ASCC1: variants seen among roughly 807,000 people sequenced by gnomAD.
ASCC1 encodes the protein activating signal cointegrator 1 complex subunit 1.
Under a neutral mutation model 46.6 loss-of-function variants are expected in ASCC1, and 35 were observed. The observed-to-expected ratio is 0.75, with a 90% CI of 0.57 to 0.99. The LOEUF (loss-of-function observed/expected upper bound fraction) is 0.99. ASCC1 is among the 50% of genes least tolerant of loss of function. The pLI, the probability that ASCC1 is intolerant of heterozygous loss-of-function variation, is 0.00. For synonymous variants in ASCC1, 143 were observed against 146.6 expected (o/e 0.98, Z 0.18); for missense variants, 376 against 428.7 (o/e 0.88, Z 1.09).
At chr10:72,138,689 C>T (rs1209593266) in intron 7 of ASCC1, among the ~76,000 whole-genome samples, 2 of 149,534 alleles carry the variant, frequency 1.3e-5, no homozygotes, top group African/African-American at 5.0e-5. Context: ...CTGCAACCTC[C>T]ATCTCCCGAG....
At chr10:72,189,125 G>T (rs1161680268) in intron 5 of ASCC1, among the ~76,000 whole-genome samples, 1 of 152,008 alleles carries the variant, frequency 6.6e-6, no homozygotes, top group Non-Finnish European at 1.5e-5. Flanking sequence ...GTTAGGCCAG[G>T]CGCAGTGGCT....
intron 4 of ASCC1, among the ~76,000 whole-genome samples, chr10:72,197,311 A>C (rs1413647063): frequency 6.6e-6 from 1 of 151,782 alleles, no homozygotes; most frequent in Admixed American, 6.6e-5. Context: ...CTCTACTAAA[A>C]ATACAAAAAA....
Position 72,099,255 on chromosome 10 carries a change from G to A in ASCC1, c.958-1805C>T, listed in dbSNP as rs74145571. The stretch of plus-strand genomic sequence containing the variant: ...GCCTACAGACAGCATGAATCTGCCA[G>A]GGATATTCTCCTACTCCAGGTTTAA... On this transcript the variant is annotated intron_variant, in intron 9 of 9. Coordinates refer to ENST00000672957, the MANE Select transcript of ASCC1 (RefSeq NM_001198800.3). Among the ~76,000 whole-genome samples, 365 of 152,294 alleles carry A rather than the reference G, an allele frequency of 2.4e-3. 4 individuals are homozygous for A. Among genetic ancestry groups the A allele is most frequent in the African/African-American group, 8.4e-3 (347 of 41,548 alleles).
intron 9 of ASCC1, among the ~76,000 whole-genome samples, chr10:72,125,921 C>CTGCAGA (rs150841742): frequency 0.025 from 3,838 of 152,244 alleles, 184 homozygotes; most frequent in African/African-American, 0.088. Context: ...GGCACATAGT[C>CTGCAGA]TGGCAGATGG....
intron 7 of ASCC1, among the ~76,000 whole-genome samples, chr10:72,140,998 G>C (rs1023700484): frequency 6.6e-6 from 1 of 151,524 alleles, no homozygotes; most frequent in Non-Finnish European, 1.5e-5. Context: ...CACTAACCTG[G>C]AGCTGACCAA....
At chr10:72,109,945 G>A (rs1157392044) in intron 9 of ASCC1, among the ~76,000 whole-genome samples, 2 of 152,218 alleles carry the variant, frequency 1.3e-5, no homozygotes, top group Admixed American at 6.5e-5. Context: ...AGAGATGAGA[G>A]GTGAAAGTTC....
At chr10:72,162,142 C>T (rs182241201) in intron 5 of ASCC1, among the ~76,000 whole-genome samples, 182 of 151,986 alleles carry the variant, frequency 1.2e-3, no homozygotes, top group East Asian at 5.8e-3. Context: ...AATTCAACAA[C>T]GAAAAGAAAT....
chr10:72,124,701 C>T (rs1250826258), intron 9 of ASCC1, among the ~76,000 whole-genome samples: 1 of 151,376 alleles, frequency 6.6e-6, no homozygotes, highest in Non-Finnish European at 1.5e-5. Flanking sequence ...TTTATCACTG[C>T]CTATGGCTAA....
chr10:72,171,860 C>G (rs1170494135), intron 5 of ASCC1, among the ~76,000 whole-genome samples: 4 of 152,152 alleles, frequency 2.6e-5, no homozygotes, highest in Non-Finnish European at 5.9e-5. Flanking sequence ...GTCACATGCC[C>G]CCTTCCCAAA....
At chr10:72,196,384 T>C (rs1855429486) in intron 5 of ASCC1, among the ~76,000 whole-genome samples, 1 of 151,324 alleles carries the variant, frequency 6.6e-6, no homozygotes, top group Non-Finnish European at 1.5e-5. Context: ...GTTCAAGCAA[T>C]TCTCCTGCCT....
intron 7 of ASCC1, among the ~76,000 whole-genome samples, chr10:72,152,435 A>T (rs1250698483): frequency 6.6e-6 from 1 of 152,152 alleles, no homozygotes; most frequent in Non-Finnish European, 1.5e-5. Context: ...CATACTCTAA[A>T]ATGCCATCCT....
chr10:72,112,189 T>C (rs1185063841), intron 9 of ASCC1, among the ~76,000 whole-genome samples: 1 of 152,256 alleles, frequency 6.6e-6, no homozygotes, highest in Non-Finnish European at 1.5e-5. Flanking sequence ...TTGTTTATAC[T>C]GTAGCTAAAA....
At chr10:72,097,471 C>T in intron 9 of ASCC1, 21 bp from the exon 10 acceptor site, 1 of 1,423,572 alleles carries the variant, frequency 7.0e-7, no homozygotes, top group South Asian at 1.2e-5. Flanking sequence ...AGAATAAAAA[C>T]CCAGAATGAA....
intron 9 of ASCC1, chr10:72,102,399 T>C (rs1394014925): frequency 9.7e-6 from 15 of 1,549,832 alleles, no homozygotes; most frequent in African/African-American, 4.1e-5. Context: ...TCTGAGAATA[T>C]GCATCAGAGA....
chr10:72,114,375 C>T (rs1053249986), intron 9 of ASCC1, among the ~76,000 whole-genome samples: 1 of 152,158 alleles, frequency 6.6e-6, no homozygotes, highest in Admixed American at 6.5e-5. Context: ...CCTATAATCC[C>T]AGCATTTTGG....
At chr10:72,193,590 G>C (rs1016607983) in intron 5 of ASCC1, among the ~76,000 whole-genome samples, 1 of 151,834 alleles carries the variant, frequency 6.6e-6, no homozygotes, top group Non-Finnish European at 1.5e-5. Flanking sequence ...TTTTGGGGTG[G>C]AACTATTCTG....
At chr10:72,125,744 A>G (rs566791137) in intron 9 of ASCC1, among the ~76,000 whole-genome samples, 7 of 152,230 alleles carry the variant, frequency 4.6e-5, no homozygotes, top group Non-Finnish European at 8.8e-5. Context: ...AATATTAAAT[A>G]CTATACTAAA....
intron 9 of ASCC1, among the ~76,000 whole-genome samples, chr10:72,105,212 G>T (rs572855696): frequency 6.6e-6 from 1 of 152,208 alleles, no homozygotes; most frequent in East Asian, 1.9e-4. Context: ...CCCACATGAC[G>T]AGGCAAGGGT....
rs541347474 is a variant in ASCC1 at position 72,138,861 on chromosome 10, C to T, written c.747-5680G>A. Reference sequence around the variant, plus strand: ...GATTACAGGCGTGAGCCACCGCGCTCGGCTTGTTCTGTTTTCAATTCACTG... The same window carrying T: ...GATTACAGGCGTGAGCCACCGCGCTTGGCTTGTTCTGTTTTCAATTCACTG... On this transcript the variant is annotated intron_variant, in intron 7 of 9. Coordinates refer to ENST00000672957, the MANE Select transcript of ASCC1 (RefSeq NM_001198800.3). Among the ~76,000 whole-genome samples the T allele has an allele frequency of 7.2e-5, 11 of 151,910 alleles. 1 individual carries two copies. Among genetic ancestry groups the T allele is most frequent in the Admixed American group, 3.9e-4 (6 of 15,262 alleles).
Sources: gnomAD v4.1 joint callset for allele counts (sites outside exome capture counted in the v4.1 genomes callset) on GRCh38, gnomAD v4.1.1 for gene constraint, MANE v1.5 for transcripts, NCBI Gene and HGNC (gene_info 2026-07-23, HGNC 2026-07-21) for gene names.